The following DNAH14 variants were observed in gnomAD, a reference collection of about 807,000 sequenced individuals.
DNAH14 encodes dynein axonemal heavy chain 14, also known as axonemal beta dynein heavy chain 14.
Under a neutral mutation model 520.9 loss-of-function variants are expected in DNAH14, and 478 were observed. That is an observed-to-expected ratio of 0.92 (90% CI 0.85 to 0.99). The LOEUF (loss-of-function observed/expected upper bound fraction) is 0.99. DNAH14 is among the 50% of genes least tolerant of loss of function. The pLI, the probability that DNAH14 is intolerant of heterozygous loss-of-function variation, is 0.00. For missense variants in DNAH14, 4,831 were observed against 5,234.5 expected (o/e 0.92, Z 2.38); for synonymous variants, 1,581 against 1,757.2 (o/e 0.90, Z 2.51).
chr1:225,335,885 GTACATA>G (rs1483039382), intron 66 of DNAH14, among the ~76,000 whole-genome samples: 13 of 24,538 alleles, frequency 5.3e-4, no homozygotes, highest in African/African-American at 2.7e-3. Flanking sequence ...ATACATATAT[GTACATA>G]TACATACATA....
chr1:225,186,542 G>A (rs1023787948), intron 37 of DNAH14, among the ~76,000 whole-genome samples: 7 of 151,724 alleles, frequency 4.6e-5, no homozygotes, highest in Non-Finnish European at 1.0e-4. Context: ...ATAATTGTGA[G>A]AAATTTGGAA....
chr1:225,018,087 C>T (rs1278548032), intron 10 of DNAH14, among the ~76,000 whole-genome samples: 4 of 152,142 alleles, frequency 2.6e-5, no homozygotes, highest in Non-Finnish European at 5.9e-5. Context: ...TAATGTCACA[C>T]ATTTAATTCA....
chr1:225,392,146 C>T (rs2095924245), intron 83 of DNAH14, 145 bp from the exon 84 acceptor site: 4 of 1,023,900 alleles, frequency 3.9e-6, no homozygotes, highest in African/African-American at 3.3e-5. Context: ...TGAACTGGTC[C>T]TCTGCTCCCG....
chr1:225,316,591 C>T (rs549068801), intron 60 of DNAH14, among the ~76,000 whole-genome samples: 1 of 152,284 alleles, frequency 6.6e-6, no homozygotes, highest in South Asian at 2.1e-4. Context: ...CATGGCTTTC[C>T]TTGGCTACTG....
chr1:225,339,341 A>G (rs934501268), intron 68 of DNAH14, among the ~76,000 whole-genome samples: 3 of 152,088 alleles, frequency 2.0e-5, no homozygotes, highest in African/African-American at 4.8e-5. Context: ...TCTCTCTTCC[A>G]TTAATAAAAC....
intron 49 of DNAH14, among the ~76,000 whole-genome samples, chr1:225,270,514 C>G (rs867567179): frequency 2.0e-5 from 3 of 151,978 alleles, no homozygotes; most frequent in African/African-American, 7.3e-5. Flanking sequence ...ATTTAGAAAG[C>G]CTTCAAGAAA....
chr1:224,955,052 AAC>A lies in DNAH14; in HGVS notation c.173_174del (p.Thr58SerfsTer2). Reference sequence around the variant, plus strand: ...CAGAAAAGGAAACATTGGAATATAAAACAGTTAGAACATTCTCTGAATCTTTG... The same window carrying A: ...CAGAAAAGGAAACATTGGAATATAAAAGTTAGAACATTCTCTGAATCTTTG... The part of the protein sequence containing the change: ...IAEKETLEYK[T>X]VRTFSESLKS... On this transcript the variant is annotated frameshift_variant, in exon 3 of 86. Coordinates refer to ENST00000682510, the MANE Select transcript of DNAH14 (RefSeq NM_001367479.1). LOFTEE classifies it high-confidence loss of function. The A allele has an allele frequency of 6.2e-7, 1 of 1,611,748 alleles. No individual in the cohort carries two copies. Among genetic ancestry groups the A allele is most frequent in the African/African-American group, 1.3e-5 (1 of 74,992 alleles).
chr1:224,968,813 T>C lies in DNAH14; in HGVS notation c.706T>C (p.Trp236Arg). The C allele has an allele frequency of 2.6e-6, 4 of 1,543,268 alleles. No individual in the cohort carries two copies. Among genetic ancestry groups the C allele is most frequent in the Non-Finnish European group, 3.5e-6 (4 of 1,143,876 alleles). The change falls in exon 7 of 86, where the codon TGG (tryptophan) becomes CGG (arginine). Residue 236 changes from tryptophan (W) to arginine (R), a missense_variant. Transcript: ENST00000682510. Reference protein sequence around the residue: ...KEVELIPTLEWLSERRHYYLL... With the variant: ...KEVELIPTLERLSERRHYYLL... ...AGTAGAACTCATACCTACTTTGGAA[T>C]GGCTATCAGAAAGAAGACATTACTA...
intron 71 of DNAH14, among the ~76,000 whole-genome samples, chr1:225,347,411 C>A (rs2095302873): frequency 6.6e-6 from 1 of 152,188 alleles, no homozygotes; most frequent in African/African-American, 2.4e-5. Context: ...GCCTCCCCCT[C>A]TTTGTGGTAT....
In DNAH14 at chr1:225,388,490, C is replaced by T. The variant is rs758550990; in HGVS notation, c.13189C>T (p.Arg4397Trp). The change falls in exon 82 of 86, where the codon CGG (arginine) becomes TGG (tryptophan). Residue 4397 changes from arginine to tryptophan, a missense_variant and splice_region_variant. Physicochemically the swap from Arg to Trp is moderately radical, Grantham distance 101. Coordinates refer to ENST00000682510, the MANE Select transcript of DNAH14 (RefSeq NM_001367479.1). ...AKVAYTAIQR[R>W]YMRFVTVWKQ... Reference sequence around the variant, plus strand: ...AGTGGCTTATACTGCAATACAGCGTCGGTATGGATAAAAGATGCTTTACAT... The same window carrying T: ...AGTGGCTTATACTGCAATACAGCGTTGGTATGGATAAAAGATGCTTTACAT... 12 of 1,476,616 alleles carry T rather than the reference C, an allele frequency of 8.1e-6. No homozygotes were observed. The highest frequency in any genetic ancestry group is 2.5e-5 in the East Asian group (1 of 39,812). The allele number at this position is 1,476,616 out of a possible 1,614,324, so 91.5% of individuals were successfully genotyped here.
rs188156180 is a variant in DNAH14 at position 225,283,638 on chromosome 1, A to G, written c.8271+6136A>G. ...TAATTGATAGAGAAACTAGACATAAAATCAGCAAGGTTACAAAGACTTCAA... is the reference window on the plus strand; with the variant it reads ...TAATTGATAGAGAAACTAGACATAAGATCAGCAAGGTTACAAAGACTTCAA... On this transcript the variant is annotated intron_variant, in intron 54 of 85. Transcript: ENST00000682510. Among the ~76,000 whole-genome samples the G allele has an allele frequency of 1.9e-3, 287 of 152,278 alleles. 1 individual carries two copies. Among genetic ancestry groups the G allele is most frequent in the Middle Eastern group, 3.4e-3 (1 of 294 alleles).
chr1:225,216,620 C>T (rs1212275303), intron 41 of DNAH14, among the ~76,000 whole-genome samples: 1 of 151,736 alleles, frequency 6.6e-6, no homozygotes, highest in Non-Finnish European at 1.5e-5. Flanking sequence ...CTCTAAACTT[C>T]TCTTCTCACT....
rs189127424 is a variant in DNAH14, at chr1:225,029,324, T to G, written c.1358+5459T>G. 1.9e-4 allele frequency among the ~76,000 whole-genome samples: 29 copies of G among 152,076 alleles called. 1 individual carries two copies. Among genetic ancestry groups the G allele is most frequent in the African/African-American group, 7.0e-4 (29 of 41,520 alleles). ...GATACAATGTTTTAGATGACAGAAA[T>G]GTACTACATTTAGTCATTGTGATTG... On this transcript the variant is annotated intron_variant, in intron 11 of 85. Transcript: ENST00000682510.
At chr1:225,352,908 G>T (rs1337934558) in intron 72 of DNAH14, among the ~76,000 whole-genome samples, 1 of 151,644 alleles carries the variant, frequency 6.6e-6, no homozygotes, top group African/African-American at 2.4e-5. Flanking sequence ...TTTTTATTTT[G>T]TTGCGTTTAT....
intron 11 of DNAH14, among the ~76,000 whole-genome samples, chr1:225,031,963 G>T (rs1031154342): frequency 6.6e-6 from 1 of 151,684 alleles, no homozygotes; most frequent in African/African-American, 2.4e-5. Context: ...GAGTTCCCTC[G>T]GTTTTTAATT....
chr1:225,207,888 G>A (rs906022685), intron 41 of DNAH14, among the ~76,000 whole-genome samples: 9 of 152,130 alleles, frequency 5.9e-5, no homozygotes, highest in African/African-American at 2.2e-4. Flanking sequence ...AGATAAAGTG[G>A]AAGAAAATAT....
Position 224,967,057 on chromosome 1 carries a change from G to A in DNAH14, c.499-374G>A, listed in dbSNP as rs141123876. Among the ~76,000 whole-genome samples the A allele has an allele frequency of 2.6e-3, 400 of 152,102 alleles. 1 individual carries two copies. Among genetic ancestry groups the A allele is most frequent in the Non-Finnish European group, 4.5e-3 (307 of 67,970 alleles). Reference sequence around the variant, plus strand: ...AACCACCATCATTATCAAAATAAATGACAAATTTAATATGCCCAAAAGATT... The same window carrying A: ...AACCACCATCATTATCAAAATAAATAACAAATTTAATATGCCCAAAAGATT... On this transcript the variant is annotated intron_variant, in intron 5 of 85. Coordinates refer to ENST00000682510, the MANE Select transcript of DNAH14 (RefSeq NM_001367479.1).
chr1:225,238,579 AC>A (rs1335671294), intron 42 of DNAH14, among the ~76,000 whole-genome samples: 15 of 152,278 alleles, frequency 9.9e-5, no homozygotes, highest in African/African-American at 3.6e-4. Context: ...GGGAGGTCTC[AC>A]CCAGTCAAGA....
intron 43 of DNAH14, among the ~76,000 whole-genome samples, chr1:225,241,028 A>G (rs796196944): frequency 1.2e-4 from 18 of 152,330 alleles, no homozygotes; most frequent in African/African-American, 4.1e-4. Context: ...ACGAAAACCT[A>G]TAATGCCAGT....
Sources: gnomAD v4.1 joint callset for allele counts (sites outside exome capture counted in the v4.1 genomes callset) on GRCh38, gnomAD v4.1.1 for gene constraint, MANE v1.5 for transcripts, NCBI Gene and HGNC (gene_info 2026-07-23, HGNC 2026-07-21) for gene names.